The following CNTN5 variants were observed in gnomAD, a reference collection of about 807,000 sequenced individuals.
CNTN5 encodes contactin-5.
A neutral mutation model predicts 129.1 loss-of-function variants in CNTN5; 77 were observed. The observed-to-expected ratio is 0.60, with a 90% confidence interval of 0.50 to 0.72. The LOEUF (loss-of-function observed/expected upper bound fraction) is 0.72. Among genes scored for constraint, CNTN5 ranks in the 30% least tolerant of loss-of-function variants. CNTN5 has a pLI of 0.00. For missense variants in CNTN5, 1,478 were observed against 1,328.8 expected (o/e 1.11, Z -1.75); for synonymous variants, 509 against 465.6 (o/e 1.09, Z -1.20).
intron 1 of CNTN5, among the ~76,000 whole-genome samples, chr11:99,040,128 C>A (rs1269413897): frequency 6.6e-6 from 1 of 151,890 alleles, no homozygotes; most frequent in Non-Finnish European, 1.5e-5. Context: ...TGCCAAGGTA[C>A]CTCCAAGAAG....
At chr11:99,972,764 T>C (rs945486973) in intron 8 of CNTN5, among the ~76,000 whole-genome samples, 1 of 152,144 alleles carries the variant, frequency 6.6e-6, no homozygotes, top group African/African-American at 2.4e-5. Context: ...GTTTGTGGTA[T>C]TTCCTCAGAG....
intron 3 of CNTN5, among the ~76,000 whole-genome samples, chr11:99,688,169 T>C (rs546452320): frequency 1.3e-5 from 2 of 152,194 alleles, no homozygotes; most frequent in Non-Finnish European, 2.9e-5. Flanking sequence ...AGAGTAGTCA[T>C]ATAGTAAATC....
chr11:99,928,070 T>C (rs1950104789), intron 7 of CNTN5, among the ~76,000 whole-genome samples: 1 of 152,164 alleles, frequency 6.6e-6, no homozygotes, highest in Non-Finnish European at 1.5e-5. Flanking sequence ...CTAAATCCAG[T>C]GGGACAGTCA....
chr11:99,615,605 T>C (rs1162488303), intron 3 of CNTN5, among the ~76,000 whole-genome samples: 3 of 152,140 alleles, frequency 2.0e-5, no homozygotes, highest in Admixed American at 2.0e-4. Context: ...TCACAGGAAG[T>C]TGCCAAGAAT....
chr11:99,729,131 A>C (rs1055764815), intron 3 of CNTN5, among the ~76,000 whole-genome samples: 2 of 152,184 alleles, frequency 1.3e-5, no homozygotes, highest in Non-Finnish European at 2.9e-5. Context: ...TTATGTCTTT[A>C]CATAAAATGA....
intron 21 of CNTN5, among the ~76,000 whole-genome samples, chr11:100,334,738 A>G (rs1951992613): frequency 6.6e-6 from 1 of 152,174 alleles, no homozygotes; most frequent in Admixed American, 6.5e-5. Context: ...TGAAGATGCA[A>G]AGTTATAAGA....
intron 3 of CNTN5, among the ~76,000 whole-genome samples, chr11:99,757,917 A>G (rs988835460): frequency 2.6e-5 from 4 of 152,092 alleles, no homozygotes; most frequent in African/African-American, 9.6e-5. Flanking sequence ...GGTTCTAAAA[A>G]TAGTAACTGT....
chr11:99,968,887 A>G (rs1269221668), intron 8 of CNTN5, among the ~76,000 whole-genome samples: 1 of 151,784 alleles, frequency 6.6e-6, no homozygotes, highest in Non-Finnish European at 1.5e-5. Flanking sequence ...AGTTTGTATC[A>G]AACTCTGCAG....
At chr11:99,237,331 G>A (rs1861322960) in intron 1 of CNTN5, among the ~76,000 whole-genome samples, 1 of 152,050 alleles carries the variant, frequency 6.6e-6, no homozygotes, top group African/African-American at 2.4e-5. Flanking sequence ...GAAAATAGAA[G>A]CTCTATCTCT....
intron 8 of CNTN5, among the ~76,000 whole-genome samples, chr11:99,957,687 G>T (rs147133804): frequency 2.0e-5 from 3 of 152,024 alleles, no homozygotes; most frequent in Non-Finnish European, 4.4e-5. Context: ...CTATGAAGGC[G>T]TTATTAAGAA....
chr11:99,945,626 C>CA (rs1417476995), intron 7 of CNTN5, among the ~76,000 whole-genome samples: 3 of 151,812 alleles, frequency 2.0e-5, no homozygotes. Context: ...CCTACCCGCT[C>CA]AGTGTTATTA....
intron 2 of CNTN5, among the ~76,000 whole-genome samples, chr11:99,415,917 A>G (rs1170591045): frequency 6.6e-6 from 1 of 152,208 alleles, no homozygotes; most frequent in African/African-American, 2.4e-5. Context: ...GAGTCAATTA[A>G]TTCTGCTCTT....
At chr11:100,246,496 G>A (rs1222060447) in intron 16 of CNTN5, among the ~76,000 whole-genome samples, 3 of 152,052 alleles carry the variant, frequency 2.0e-5, no homozygotes, top group African/African-American at 7.2e-5. Flanking sequence ...CATAGAAGTT[G>A]AAATTCAGTA....
At chr11:99,463,377 A>C (rs1373609697) in intron 2 of CNTN5, among the ~76,000 whole-genome samples, 1 of 142,276 alleles carries the variant, frequency 7.0e-6, no homozygotes, top group Non-Finnish European at 1.5e-5. Flanking sequence ...GGCGGAGCTT[A>C]CAGTGAGCCG....
chr11:99,744,689 C>T (rs1427968453), intron 3 of CNTN5, among the ~76,000 whole-genome samples: 1 of 141,712 alleles, frequency 7.1e-6, no homozygotes, highest in Non-Finnish European at 1.5e-5. Context: ...CACTGCACTA[C>T]AGCCTGGGCA....
intron 3 of CNTN5, among the ~76,000 whole-genome samples, chr11:99,579,530 T>C: frequency 6.7e-6 from 1 of 149,864 alleles, no homozygotes; most frequent in Non-Finnish European, 1.5e-5. Flanking sequence ...TAGTCCTCCT[T>C]GAAGAGGTCC....
chr11:99,190,292 T>C (rs1858570806), intron 1 of CNTN5, among the ~76,000 whole-genome samples: 1 of 151,766 alleles, frequency 6.6e-6, no homozygotes, highest in Non-Finnish European at 1.5e-5. Context: ...TTTTGGTTAC[T>C]ATAGCCTTGT....
At chr11:99,462,111 C>T (rs1312489245) in intron 2 of CNTN5, among the ~76,000 whole-genome samples, 1 of 152,048 alleles carries the variant, frequency 6.6e-6, no homozygotes. Context: ...TTATACAGCG[C>T]AGTTCTAGAG....
intron 3 of CNTN5, among the ~76,000 whole-genome samples, chr11:99,712,486 T>C (rs758966152): frequency 6.6e-6 from 1 of 151,934 alleles, no homozygotes; most frequent in South Asian, 2.1e-4. Context: ...AGTTTAATTA[T>C]ATCCCATTTG....
Sources: allele counts gnomAD v4.1 joint callset (sites outside exome capture counted in the v4.1 genomes callset), GRCh38; gene constraint gnomAD v4.1.1; transcripts MANE v1.5; gene names NCBI Gene and HGNC (gene_info 2026-07-23, HGNC 2026-07-21).